ZFPM2: variants seen among roughly 807,000 people sequenced by gnomAD.
ZFPM2 encodes zinc finger protein, FOG family member 2, also known as zinc finger protein ZFPM2.
ZFPM2 carries 20 observed loss-of-function variants against 98.6 expected under a neutral mutation model. The observed-to-expected ratio is 0.20, with a 90% CI of 0.14 to 0.29. ZFPM2 has a LOEUF of 0.29. Among genes scored for constraint, ZFPM2 ranks in the 10% least tolerant of loss-of-function variants. The pLI is 1.00. For synonymous variants in ZFPM2, 518 were observed against 502.7 expected (o/e 1.03, Z -0.41); for missense variants, 1,310 against 1,388.6 (o/e 0.94, Z 0.90).
chr8:105,743,334 G>A (rs1330388409), intron 5 of ZFPM2, among the ~76,000 whole-genome samples: 1 of 151,974 alleles, frequency 6.6e-6, no homozygotes, highest in Non-Finnish European at 1.5e-5. Context: ...CAGACCATGG[G>A]GGTGAGGGCC....
chr8:105,584,451 C>G (rs1815669907), intron 4 of ZFPM2, among the ~76,000 whole-genome samples: 1 of 152,018 alleles, frequency 6.6e-6, no homozygotes, highest in South Asian at 2.1e-4. Flanking sequence ...GGGGTTTAGG[C>G]CTGTGTATCA....
chr8:105,421,655 G>T (rs138388201), intron 2 of ZFPM2, among the ~76,000 whole-genome samples: 3 of 151,952 alleles, frequency 2.0e-5, no homozygotes, highest in Non-Finnish European at 4.4e-5. Flanking sequence ...TTTTCTCTCT[G>T]GAAAATTAGA....
intron 1 of ZFPM2, among the ~76,000 whole-genome samples, chr8:105,373,825 G>C (rs372758729): frequency 1.3e-5 from 2 of 152,130 alleles, no homozygotes; most frequent in South Asian, 4.1e-4. Flanking sequence ...GGAAAGGAAA[G>C]CTCTTAACTG....
intron 1 of ZFPM2, among the ~76,000 whole-genome samples, chr8:105,362,290 A>C (rs1297070501): frequency 6.6e-6 from 1 of 151,984 alleles, no homozygotes; most frequent in Non-Finnish European, 1.5e-5. Flanking sequence ...TATCCTCTTA[A>C]GTTATGTAAT....
intron 1 of ZFPM2, among the ~76,000 whole-genome samples, chr8:105,328,064 T>C (rs41324545): frequency 0.18 from 27,707 of 151,744 alleles, 2,958 homozygotes; most frequent in Middle Eastern, 0.29. Flanking sequence ...ATACAAATTA[T>C]TTTCATGGTG....
chr8:105,400,019 C>T (rs1285421234), intron 1 of ZFPM2, among the ~76,000 whole-genome samples: 3 of 152,112 alleles, frequency 2.0e-5, no homozygotes, highest in Non-Finnish European at 2.9e-5. Context: ...CCGCTCGTCT[C>T]GGCCTCCCAA....
At chr8:105,640,259 G>T (rs1816925651) in intron 5 of ZFPM2, among the ~76,000 whole-genome samples, 2 of 152,030 alleles carry the variant, frequency 1.3e-5, no homozygotes, top group South Asian at 4.1e-4. Context: ...AAGGTTACAG[G>T]TTATTGCCTT....
At chr8:105,731,907 T>C (rs1208805075) in intron 5 of ZFPM2, among the ~76,000 whole-genome samples, 1 of 151,784 alleles carries the variant, frequency 6.6e-6, no homozygotes, top group African/African-American at 2.4e-5. Flanking sequence ...TCTTCCTGCT[T>C]AGTTTATTGA....
chr8:105,530,624 TCTC>T (rs1814277693), intron 3 of ZFPM2, among the ~76,000 whole-genome samples: 2 of 152,194 alleles, frequency 1.3e-5, no homozygotes, highest in African/African-American at 2.4e-5. Flanking sequence ...CTTTCTGAAG[TCTC>T]CTCCTCTTCT....
intron 1 of ZFPM2, among the ~76,000 whole-genome samples, chr8:105,363,765 G>A (rs1000646967): frequency 8.6e-5 from 13 of 152,044 alleles, no homozygotes; most frequent in African/African-American, 3.1e-4. Context: ...AATGGAGCAG[G>A]CAGATAGCTT....
intron 2 of ZFPM2, among the ~76,000 whole-genome samples, chr8:105,430,942 C>T (rs375902541): frequency 7.4e-5 from 11 of 147,796 alleles, no homozygotes; most frequent in Non-Finnish European, 1.2e-4. Context: ...CTCACAATGT[C>T]GCTCAGGCTG....
At chr8:105,491,125 C>T (rs1813348576) in intron 3 of ZFPM2, among the ~76,000 whole-genome samples, 2 of 152,040 alleles carry the variant, frequency 1.3e-5, no homozygotes, top group South Asian at 4.2e-4. Context: ...TGGAAATTGC[C>T]TGCAATTTGA....
chr8:105,629,660 C>T (rs1816721033), intron 4 of ZFPM2, among the ~76,000 whole-genome samples: 1 of 152,114 alleles, frequency 6.6e-6, no homozygotes, highest in African/African-American at 2.4e-5. Context: ...GAATCCATTT[C>T]GTGCTCATTC....
chr8:105,679,381 C>T (rs528254140), intron 5 of ZFPM2, among the ~76,000 whole-genome samples: 1 of 152,104 alleles, frequency 6.6e-6, no homozygotes, highest in African/African-American at 2.4e-5. Context: ...TGTATGTTGA[C>T]CATCTGGCCC....
chr8:105,492,419 A>G (rs759037097), intron 3 of ZFPM2, among the ~76,000 whole-genome samples: 1 of 152,194 alleles, frequency 6.6e-6, no homozygotes, highest in Non-Finnish European at 1.5e-5. Flanking sequence ...ACTTTCTAAA[A>G]TATGTAAACC....
At chr8:105,602,257 G>A (rs778287579) in intron 4 of ZFPM2, among the ~76,000 whole-genome samples, 1 of 151,930 alleles carries the variant, frequency 6.6e-6, no homozygotes, top group Non-Finnish European at 1.5e-5. Flanking sequence ...ACTACAATTG[G>A]TGACAATATA....
intron 1 of ZFPM2, among the ~76,000 whole-genome samples, chr8:105,371,271 A>G (rs1810617241): frequency 6.6e-6 from 1 of 152,086 alleles, no homozygotes; most frequent in African/African-American, 2.4e-5. Context: ...ATTGAGTAAT[A>G]CTCTCTTTTG....
intron 3 of ZFPM2, among the ~76,000 whole-genome samples, chr8:105,536,607 A>G (rs1395363671): frequency 6.6e-6 from 1 of 152,122 alleles, no homozygotes; most frequent in African/African-American, 2.4e-5. Flanking sequence ...TTTAAAAGAC[A>G]CATTTATGAA....
At chr8:105,379,818 T>C (rs988131348) in intron 1 of ZFPM2, among the ~76,000 whole-genome samples, 1 of 151,880 alleles carries the variant, frequency 6.6e-6, no homozygotes, top group African/African-American at 2.4e-5. Context: ...ACACATGGTA[T>C]AGACCAATAT....
Sources: allele counts gnomAD v4.1 joint callset (sites outside exome capture counted in the v4.1 genomes callset), GRCh38; gene constraint gnomAD v4.1.1; transcripts MANE v1.5; gene names NCBI Gene and HGNC (gene_info 2026-07-23, HGNC 2026-07-21).